The following FHIT variants were observed in gnomAD, a reference collection of about 807,000 sequenced individuals.
The protein encoded by FHIT is fragile histidine triad diadenosine triphosphatase.
Under a neutral mutation model 17.9 loss-of-function variants are expected in FHIT, and 19 were observed. The observed-to-expected ratio is 1.06, with a 90% CI of 0.74 to 1.56. FHIT has a LOEUF of 1.56. Ranked by LOEUF, FHIT falls within the 40% of genes most tolerant of loss-of-function variation. The probability of loss-of-function intolerance (pLI) is 0.00; values close to 1 mark genes in which losing one functional copy is unlikely to be tolerated. For synonymous variants in FHIT, 81 were observed against 69.7 expected (o/e 1.16, Z -0.81); for missense variants, 248 against 189.2 (o/e 1.31, Z -1.82).
chr3:60,681,854 A>C (rs2040756488), intron 4 of FHIT, among the ~76,000 whole-genome samples: 1 of 152,228 alleles, frequency 6.6e-6, no homozygotes, highest in Non-Finnish European at 1.5e-5. Flanking sequence ...AGGTTCAAGG[A>C]GAGAAGCCAT....
chr3:59,837,852 G>A (rs1701392839), intron 8 of FHIT, among the ~76,000 whole-genome samples: 1 of 152,006 alleles, frequency 6.6e-6, no homozygotes, highest in African/African-American at 2.4e-5. Context: ...TGGTGGTGTG[G>A]GGGGGTGGTG....
chr3:60,308,043 G>A (rs755165356), intron 5 of FHIT, among the ~76,000 whole-genome samples: 19 of 152,050 alleles, frequency 1.2e-4, no homozygotes, highest in East Asian at 3.9e-4. Context: ...ACACTACTTC[G>A]CAGATAAGAG....
At chr3:60,084,824 T>C (rs1703430478) in intron 5 of FHIT, among the ~76,000 whole-genome samples, 1 of 152,166 alleles carries the variant, frequency 6.6e-6, no homozygotes, top group Non-Finnish European at 1.5e-5. Context: ...AAGTCTTCCT[T>C]GGCTTTCTAC....
At chr3:60,083,750 CATATATA>C (rs1356261454) in intron 5 of FHIT, among the ~76,000 whole-genome samples, 1 of 152,180 alleles carries the variant, frequency 6.6e-6, no homozygotes, top group Non-Finnish European at 1.5e-5. Flanking sequence ...TTAAAGCAGT[CATATATA>C]ATATATAAAC....
intron 2 of FHIT, among the ~76,000 whole-genome samples, chr3:61,178,953 C>T (rs575978915): frequency 1.3e-5 from 2 of 150,726 alleles, no homozygotes; most frequent in African/African-American, 4.9e-5. Context: ...AAGTATTTGT[C>T]CACCACGTGA....
intron 1 of FHIT, among the ~76,000 whole-genome samples, chr3:61,223,253 T>C (rs939891572): frequency 5.9e-5 from 9 of 152,308 alleles, no homozygotes; most frequent in East Asian, 1.9e-4. Context: ...GTTTGCATGA[T>C]AGGCCAAGCA....
intron 5 of FHIT, among the ~76,000 whole-genome samples, chr3:60,483,528 G>A (rs977434699): frequency 7.9e-5 from 12 of 152,078 alleles, no homozygotes; most frequent in East Asian, 5.8e-4. Flanking sequence ...TTCAACATAC[G>A]CAACTCAATA....
chr3:60,556,555 T>C (rs987856493), intron 4 of FHIT, among the ~76,000 whole-genome samples: 2 of 152,138 alleles, frequency 1.3e-5, no homozygotes, highest in African/African-American at 4.8e-5. Context: ...GCCTGTACAG[T>C]AGACCTGGAG....
intron 7 of FHIT, among the ~76,000 whole-genome samples, chr3:60,011,132 T>C (rs1322210294): frequency 1.3e-5 from 2 of 151,508 alleles, no homozygotes; most frequent in Non-Finnish European, 2.9e-5. Flanking sequence ...TTAGTTTCTG[T>C]TTTAGCGTTT....
intron 3 of FHIT, among the ~76,000 whole-genome samples, chr3:60,930,445 G>C (rs1707888631): frequency 6.6e-6 from 1 of 152,058 alleles, no homozygotes; most frequent in African/African-American, 2.4e-5. Flanking sequence ...CAGAATGGGA[G>C]AAAATTTTTG....
intron 2 of FHIT, among the ~76,000 whole-genome samples, chr3:61,154,659 C>A (rs895416224): frequency 1.3e-5 from 2 of 152,128 alleles, no homozygotes; most frequent in Non-Finnish European, 2.9e-5. Flanking sequence ...TTGCTTTCGG[C>A]CATCTGATAT....
chr3:59,894,733 T>A (rs1169436748), intron 8 of FHIT, among the ~76,000 whole-genome samples: 1 of 152,202 alleles, frequency 6.6e-6, no homozygotes, highest in Non-Finnish European at 1.5e-5. Flanking sequence ...AGTGATCAAT[T>A]TGGTACATTC....
At chr3:60,912,634 G>T (rs782066833) in intron 3 of FHIT, 5 of 369,648 alleles carry the variant, frequency 1.4e-5, no homozygotes, top group Non-Finnish European at 2.6e-5. Context: ...TATCAGGAAA[G>T]AAAAAGTTAA....
Position 59,986,578 on chromosome 3 carries a change from C to CACATATAT in FHIT, c.279+24792_279+24793insATATATGT, listed in dbSNP as rs1553641640. Among the ~76,000 whole-genome samples, 40 of 58,322 alleles carry CACATATAT rather than the reference C, an allele frequency of 6.9e-4. 1 individual carries two copies. The highest frequency in any genetic ancestry group is 2.9e-3 in the African/African-American group (31 of 10,572). 38.3% of individuals were successfully genotyped at this position (58,322 alleles called of 152,430 possible). A position where few individuals can be genotyped will look rare whatever the true frequency, so the allele number is the denominator to read the frequency against. ...ACACACACACACACACATATATACACACACACACACACACACACATATATA... is the reference window on the plus strand; with the variant it reads ...ACACACACACACACACATATATACACACATATATACACACACACACACACACATATATA... On this transcript the variant is annotated intron_variant, in intron 7 of 9. Coordinates refer to ENST00000492590, the MANE Select transcript of FHIT (RefSeq NM_002012.4).
chr3:59,882,593 G>C (rs2106959919), intron 8 of FHIT, among the ~76,000 whole-genome samples: 1 of 152,272 alleles, frequency 6.6e-6, no homozygotes, highest in South Asian at 2.1e-4. Context: ...AATGTTTTAA[G>C]GAGAAGTCTG....
At chr3:60,605,334 A>C (rs1269922779) in intron 4 of FHIT, among the ~76,000 whole-genome samples, 1 of 152,208 alleles carries the variant, frequency 6.6e-6, no homozygotes, top group African/African-American at 2.4e-5. Context: ...TTAACTACTC[A>C]TGGCTCAGCT....
intron 5 of FHIT, among the ~76,000 whole-genome samples, chr3:60,111,477 C>T (rs1467400510): frequency 6.6e-6 from 1 of 152,160 alleles, no homozygotes; most frequent in Non-Finnish European, 1.5e-5. Context: ...AAAAATGATG[C>T]CAACCCATGC....
At chr3:60,433,125 CTT>C (rs1559908802) in intron 5 of FHIT, among the ~76,000 whole-genome samples, 1 of 152,050 alleles carries the variant, frequency 6.6e-6, no homozygotes, top group Non-Finnish European at 1.5e-5. Flanking sequence ...GACCATTCTA[CTT>C]TTTTGAATTT....
chr3:60,346,549 C>A lies in FHIT; in HGVS notation c.103+190311G>T, dbSNP rs530230700. Among the ~76,000 whole-genome samples, 4 of 152,250 alleles carry A rather than the reference C, an allele frequency of 2.6e-5. No homozygotes were observed. The South Asian group carries it at 6.2e-4, about 24-fold the overall frequency. Reference sequence around the variant, plus strand: ...CTGGAATCGATCTATGAGATGAGGACCTGTTAGCAGGAATCCCCCACGCTT... The same window carrying A: ...CTGGAATCGATCTATGAGATGAGGAACTGTTAGCAGGAATCCCCCACGCTT... On this transcript the variant is annotated intron_variant, in intron 5 of 9. Coordinates refer to ENST00000492590, the MANE Select transcript of FHIT (RefSeq NM_002012.4).
Sources: gnomAD v4.1 joint callset for allele counts (sites outside exome capture counted in the v4.1 genomes callset) on GRCh38, gnomAD v4.1.1 for gene constraint, MANE v1.5 for transcripts, NCBI Gene and HGNC (gene_info 2026-07-23, HGNC 2026-07-21) for gene names.